The following PTPRD variants were observed in gnomAD, a reference collection of about 807,000 sequenced individuals.
PTPRD encodes the protein receptor-type tyrosine-protein phosphatase delta.
In PTPRD, 34 loss-of-function variants were observed where a neutral mutation model predicts 214.5. The observed-to-expected ratio is 0.16, with a 90% CI of 0.12 to 0.21. PTPRD has a LOEUF of 0.21. Ranked by LOEUF, PTPRD falls within the 10% of genes least tolerant of loss-of-function variation. PTPRD has a pLI of 1.00. For missense variants in PTPRD, 2,545 were observed against 2,398.7 expected (o/e 1.06, Z -1.27); for synonymous variants, 1,128 against 845.7 (o/e 1.33, Z -5.79).
At chr9:8,363,477 C>A (rs1398727432) in intron 39 of PTPRD, among the ~76,000 whole-genome samples, 1 of 151,990 alleles carries the variant, frequency 6.6e-6, no homozygotes, top group Non-Finnish European at 1.5e-5. Flanking sequence ...GCAACAACAA[C>A]AAAAAAGATC....
chr9:9,290,447 A>T (rs113931236), intron 9 of PTPRD, among the ~76,000 whole-genome samples: 1 of 151,646 alleles, frequency 6.6e-6, no homozygotes, highest in Non-Finnish European at 1.5e-5. Context: ...CTATGCAGAC[A>T]TTCTCTAGTT....
intron 14 of PTPRD, among the ~76,000 whole-genome samples, chr9:8,559,028 T>C (rs1185349221): frequency 2.0e-5 from 3 of 150,586 alleles, no homozygotes; most frequent in African/African-American, 5.0e-5. Context: ...ATTTACATAG[T>C]CTAATAGCTA....
chr9:9,423,110 T>C (rs554562424), intron 8 of PTPRD, among the ~76,000 whole-genome samples: 1 of 152,260 alleles, frequency 6.6e-6, no homozygotes, highest in South Asian at 2.1e-4. Context: ...CTGATTCTAC[T>C]CCATCTGCCT....
At chr9:9,413,763 T>C (rs929892391) in intron 8 of PTPRD, among the ~76,000 whole-genome samples, 7 of 152,204 alleles carry the variant, frequency 4.6e-5, no homozygotes, top group Non-Finnish European at 2.9e-5. Flanking sequence ...GAGGGATATC[T>C]GTCTCTGAGG....
intron 12 of PTPRD, among the ~76,000 whole-genome samples, chr9:8,656,259 T>C (rs1473043272): frequency 1.3e-5 from 2 of 152,188 alleles, no homozygotes; most frequent in Non-Finnish European, 2.9e-5. Flanking sequence ...TTTAGCATAC[T>C]AAAATTTTAC....
intron 14 of PTPRD, among the ~76,000 whole-genome samples, chr9:8,548,454 C>T (rs147084603): frequency 6.6e-6 from 1 of 151,934 alleles, no homozygotes; most frequent in African/African-American, 2.4e-5. Context: ...TGCAACCTCA[C>T]CCTCCCAGGT....
chr9:8,970,862 T>A (rs1016560387), intron 11 of PTPRD, among the ~76,000 whole-genome samples: 11 of 151,286 alleles, frequency 7.3e-5, no homozygotes, highest in Admixed American at 4.0e-4. Context: ...TACTTCTGAG[T>A]TGAAGAGAGC....
intron 4 of PTPRD, among the ~76,000 whole-genome samples, chr9:9,961,065 C>T (rs371949355): frequency 0.03 from 2,590 of 87,738 alleles, 79 homozygotes; most frequent in African/African-American, 0.074. Flanking sequence ...AAAAAATGCT[C>T]ATCATCACTG....
chr9:8,549,903 T>C (rs1320383815), intron 14 of PTPRD, among the ~76,000 whole-genome samples: 3 of 152,194 alleles, frequency 2.0e-5, no homozygotes, highest in Non-Finnish European at 4.4e-5. Context: ...CTCTTTCATT[T>C]AGCGTATCTA....
intron 6 of PTPRD, among the ~76,000 whole-genome samples, chr9:9,742,412 A>G (rs556212679): frequency 6.6e-6 from 1 of 152,336 alleles, no homozygotes; most frequent in African/African-American, 2.4e-5. Flanking sequence ...TACTCAAATT[A>G]GAAGCATCAT....
chr9:10,463,536 T>G (rs1436136742), intron 2 of PTPRD, among the ~76,000 whole-genome samples: 1 of 151,918 alleles, frequency 6.6e-6, no homozygotes, highest in Non-Finnish European at 1.5e-5. Flanking sequence ...TTTTCAAAAC[T>G]ACAAAAAAAG....
chr9:8,813,525 C>T (rs930633621), intron 11 of PTPRD, among the ~76,000 whole-genome samples: 1 of 152,180 alleles, frequency 6.6e-6, no homozygotes, highest in African/African-American at 2.4e-5. Context: ...GCACGTGCCA[C>T]CATGCCTAGC....
intron 9 of PTPRD, among the ~76,000 whole-genome samples, chr9:9,195,634 A>C (rs1030821753): frequency 1.3e-5 from 2 of 151,684 alleles, no homozygotes; most frequent in African/African-American, 4.8e-5. Flanking sequence ...TGAATGGAGC[A>C]TTCGCTTCCC....
At chr9:9,529,932 G>C (rs1009899285) in intron 8 of PTPRD, among the ~76,000 whole-genome samples, 25 of 151,574 alleles carry the variant, frequency 1.6e-4, no homozygotes, top group Non-Finnish European at 3.4e-4. Flanking sequence ...ATAAATAATA[G>C]CAACATCTGG....
At chr9:9,588,096 A>G (rs980231962) in intron 7 of PTPRD, among the ~76,000 whole-genome samples, 4 of 151,968 alleles carry the variant, frequency 2.6e-5, no homozygotes, top group Non-Finnish European at 5.9e-5. Flanking sequence ...TGTAACAAAC[A>G]TTCATCTGTA....
At chr9:8,654,089 A>G (rs1334582376) in intron 12 of PTPRD, among the ~76,000 whole-genome samples, 2 of 152,212 alleles carry the variant, frequency 1.3e-5, no homozygotes, top group Non-Finnish European at 2.9e-5. Context: ...TACCCAATAG[A>G]TAACACTAAC....
At chr9:9,540,217 G>A (rs1466124814) in intron 8 of PTPRD, among the ~76,000 whole-genome samples, 1 of 151,578 alleles carries the variant, frequency 6.6e-6, no homozygotes, top group Non-Finnish European at 1.5e-5. Flanking sequence ...GGTGTGACAG[G>A]ATCAGATGAG....
At chr9:8,865,650 A>G (rs191593559) in intron 11 of PTPRD, among the ~76,000 whole-genome samples, 1 of 152,104 alleles carries the variant, frequency 6.6e-6, no homozygotes, top group African/African-American at 2.4e-5. Context: ...TCTTCTCATC[A>G]CCACCAAGCC....
chr9:9,318,696 GT>G (rs1367519947), intron 9 of PTPRD, among the ~76,000 whole-genome samples: 3 of 152,070 alleles, frequency 2.0e-5, no homozygotes, highest in Non-Finnish European at 2.9e-5. Flanking sequence ...TATAGCCTAT[GT>G]TTTTTAATAC....
Sources: gnomAD v4.1 joint callset for allele counts (sites outside exome capture counted in the v4.1 genomes callset) on GRCh38, gnomAD v4.1.1 for gene constraint, MANE v1.5 for transcripts, NCBI Gene and HGNC (gene_info 2026-07-23, HGNC 2026-07-21) for gene names.